Variants in VIPR1 observed in about 807,000 individuals in gnomAD.
The protein encoded by VIPR1 is vasoactive intestinal polypeptide receptor 1.
A neutral mutation model predicts 58.8 loss-of-function variants in VIPR1; 59 were observed. That is an observed-to-expected ratio of 1.00 (90% confidence interval 0.81 to 1.25). The LOEUF is 1.25. Ranked by LOEUF, VIPR1 falls within the 50% of genes most tolerant of loss-of-function variation. The probability of loss-of-function intolerance (pLI) is 0.00; values close to 1 mark genes in which losing one functional copy is unlikely to be tolerated. For synonymous variants in VIPR1, 251 were observed against 242.1 expected, an observed-to-expected ratio of 1.04 and a Z score of -0.34; for missense variants, 626 against 602.7, an observed-to-expected ratio of 1.04 and a Z score of -0.40.
intron 4 of VIPR1, among the ~76,000 whole-genome samples, 165 bp from the exon 5 acceptor site, chr3:42,527,227 AG>A (rs902662033): frequency 3.3e-5 from 5 of 152,056 alleles, no homozygotes; most frequent in Admixed American, 2.6e-4. Flanking sequence ...CCAGGGCGTT[AG>A]GGGTCAGGGG....
upstream of VIPR1, among the ~76,000 whole-genome samples, chr3:42,497,704 G>A (rs574474666): frequency 7.9e-5 from 12 of 152,272 alleles, no homozygotes; most frequent in African/African-American, 2.2e-4. Context: ...CCCCGATACC[G>A]TTCTTGTGGT....
At chr3:42,531,304 G>C (rs904333564) in intron 7 of VIPR1, 167 bp from the exon 8 acceptor site, 2 of 701,114 alleles carry the variant, frequency 2.9e-6, no homozygotes, top group Admixed American at 2.3e-5. Context: ...CCTCAGTGGA[G>C]CATCCCTCCG....
chr3:42,498,483 C>T (rs1251947610), upstream of VIPR1, among the ~76,000 whole-genome samples: 4 of 152,194 alleles, frequency 2.6e-5, no homozygotes, highest in Non-Finnish European at 5.9e-5. Context: ...CTCCTAACTC[C>T]ACCTTAGCAT....
At chr3:42,491,257 G>A (rs1699659398) in intron 1 of VIPR1, among the ~76,000 whole-genome samples, 1 of 152,180 alleles carries the variant, frequency 6.6e-6, no homozygotes, top group South Asian at 2.1e-4. Context: ...ATCAATCAAA[G>A]CACTTACAAG....
At chr3:42,512,525 C>T (rs1025965299) in intron 1 of VIPR1, among the ~76,000 whole-genome samples, 1 of 152,122 alleles carries the variant, frequency 6.6e-6, no homozygotes, top group Admixed American at 6.5e-5. Context: ...AAGGAAGGTC[C>T]CCCACCTATG....
intron 6 of VIPR1, chr3:42,529,541 T>C (rs1280231511): frequency 6.7e-6 from 1 of 150,084 alleles, no homozygotes; most frequent in Admixed American, 6.6e-5. Flanking sequence ...CTCCTGTAAC[T>C]GGAGGGACTG....
Position 42,527,478 on chromosome 3 carries a change from C to CT in VIPR1, c.486dup (p.Ile163TyrfsTer54). ...CTCGCCACCCTTCTGGTCGCCACAG[C>CT]TATCCTGAGCCTGTTCAGGTGAGGC... On this transcript the variant is annotated frameshift_variant, in exon 5 of 13. Transcript: ENST00000325123. LOFTEE classifies it high-confidence loss of function. 6.2e-7 allele frequency: 1 copy of CT among 1,613,856 alleles called. No individual in the cohort carries two copies. Among genetic ancestry groups the CT allele is most frequent in the Non-Finnish European group, 8.5e-7 (1 of 1,179,956 alleles).
Position 42,513,750 on chromosome 3 carries a change from G to T in VIPR1, c.80G>T (p.Gly27Val), listed in dbSNP as rs866308427. Residue 27 changes from glycine (G) to valine (V), a missense_variant and splice_region_variant, in exon 2 of 13, where the codon GGC (glycine) becomes GTC (valine). Physicochemically the swap from Gly to Val is moderately radical, Grantham distance 109. Transcript: ENST00000325123. ...GGCCCTCCCTGTCTTTGTTCTCAGG[G>T]CGGCCAGGCGGCCAGGCTGCAGGAG... is the stretch of plus-strand genomic sequence containing the variant. ...GALAWALGPA[G>V]GQAARLQEEC... 3 of 1,551,148 alleles carry T rather than the reference G, an allele frequency of 1.9e-6. No homozygotes were observed. Among genetic ancestry groups the T allele is most frequent in the African/African-American group, 1.4e-5 (1 of 73,020 alleles).
chr3:42,534,891 C>T, intron 10 of VIPR1, 84 bp from the exon 11 acceptor site: 3 of 1,540,572 alleles, frequency 1.9e-6, no homozygotes, highest in Non-Finnish European at 2.6e-6. Flanking sequence ...ATCTTCTGTG[C>T]CTCCAGCTGC....
At chr3:42,496,321 G>A (rs984649601) in intron 1 of VIPR1, among the ~76,000 whole-genome samples, 4 of 152,156 alleles carry the variant, frequency 2.6e-5, no homozygotes, top group African/African-American at 7.2e-5. Context: ...ATCATTCCTG[G>A]ACATGATTTA....
intron 1 of VIPR1, chr3:42,492,550 G>A (rs342520): frequency 0.57 from 87,245 of 152,358 alleles, 25,175 homozygotes; most frequent in East Asian, 0.75. Context: ...TGGGGAAAGC[G>A]TTAGGGACCC....
intron 1 of VIPR1, chr3:42,512,198 T>A (rs369659650): frequency 1.2e-4 from 19 of 152,298 alleles, no homozygotes; most frequent in African/African-American, 4.6e-4. Flanking sequence ...AGGGAGGCCT[T>A]CCCTGGACCT....
rs565328104 is a variant in VIPR1 at position 42,536,369 on chromosome 3, G to A, written c.*88G>A. ...GCCGGGGACAGAGGCCTGCCCGGGC[G>A]CGGCCAGCCCCGGCCCTGGGCTCGG... On this transcript the variant is annotated 3_prime_UTR_variant, in exon 13 of 13. Transcript: ENST00000325123. 1.4e-6 allele frequency: 2 copies of A among 1,386,772 alleles called. No homozygotes were observed. The highest frequency in any genetic ancestry group is 1.5e-5 in the African/African-American group (1 of 66,786). 85.9% of individuals were successfully genotyped at this position (1,386,772 alleles called of 1,614,324 possible).
chr3:42,514,992 C>T (rs148332457), intron 2 of VIPR1, among the ~76,000 whole-genome samples: 1 of 152,238 alleles, frequency 6.6e-6, no homozygotes, highest in East Asian at 1.9e-4. Context: ...GCATGGTTGG[C>T]AGGTTCAAGT....
At chr3:42,535,409 C>G in intron 12 of VIPR1, 25 bp downstream of exon 12, 1 of 1,612,520 alleles carries the variant, frequency 6.2e-7, no homozygotes, top group Non-Finnish European at 8.5e-7. Flanking sequence ...GTCCTTGGGG[C>G]TTAGGCAATG....
At position 42,530,920 on chromosome 3, in the gene VIPR1, C is replaced by A. The variant is rs1407212234; in HGVS notation, c.778C>A (p.Leu260Ile). The change falls in exon 7 of 13, where the codon CTC becomes ATC. Residue 260 changes from leucine (L) to isoleucine (I), a missense_variant. Transcript: ENST00000325123. ...SERKYFWGYI[L>I]IGWGVPSTFT... Reference sequence around the variant, plus strand: ...GCGGAAGTACTTCTGGGGGTACATACTCATCGGCTGGGGTATGGTACCAGG... The same window carrying A: ...GCGGAAGTACTTCTGGGGGTACATAATCATCGGCTGGGGTATGGTACCAGG... 1.9e-6 allele frequency: 3 copies of A among 1,614,046 alleles called. No homozygotes were observed.
intron 7 of VIPR1, 80 bp downstream of exon 7, chr3:42,531,012 C>A (rs1701515316): frequency 1.9e-6 from 3 of 1,561,744 alleles, no homozygotes; most frequent in African/African-American, 1.4e-5. Flanking sequence ...GGGTGCCAAC[C>A]CAGCTTGCAG....
At position 42,519,259 on chromosome 3, in the gene VIPR1, C is replaced by T; in HGVS notation, c.221C>T (p.Pro74Leu). 1 of 1,610,904 alleles carries T rather than the reference C, an allele frequency of 6.2e-7. No homozygotes were observed. The highest frequency in any genetic ancestry group is 1.1e-5 in the South Asian group (1 of 90,226). The change falls in exon 3 of 13, where the codon CCA becomes CTA. Residue 74 changes from proline to leucine, a missense_variant. By Grantham distance (98) the Pro-to-Leu change is moderately conservative. Transcript: ENST00000325123. ...SKMWDNLTCW[P>L]ATPRGQVVVL... ...ATGTGGGACAACCTCACCTGCTGGC[C>T]AGCCACCCCTCGGGGCCAGGTAGTT...
intron 5 of VIPR1, 37 bp from the exon 6 acceptor site, chr3:42,527,954 G>A (rs1398600098): frequency 1.2e-6 from 2 of 1,605,704 alleles, no homozygotes; most frequent in Non-Finnish European, 1.7e-6. Flanking sequence ...GGGATCCAAG[G>A]CCCCTTTGGC....
Sources: allele counts gnomAD v4.1 joint callset (sites outside exome capture counted in the v4.1 genomes callset), GRCh38; gene constraint gnomAD v4.1.1; transcripts MANE v1.5; gene names NCBI Gene and HGNC (gene_info 2026-07-23, HGNC 2026-07-21).